Variants in SDR16C5 observed in about 807,000 individuals in gnomAD.
SDR16C5 encodes the protein epidermal retinol dehydrogenase 2.
In SDR16C5, 20 loss-of-function variants were observed where a neutral mutation model predicts 27.7. The ratio of observed to expected loss-of-function variants is 0.72; its 90% CI spans 0.51 to 1.05. The LOEUF (loss-of-function observed/expected upper bound fraction) is 1.05. Ranked by LOEUF, SDR16C5 falls within the 50% of genes least tolerant of loss-of-function variation. The probability of loss-of-function intolerance (pLI) is 0.00; values close to 1 mark genes in which losing one functional copy is unlikely to be tolerated. For missense variants in SDR16C5, 374 were observed against 366.3 expected (o/e 1.02, Z -0.17); for synonymous variants, 139 against 132.3 (o/e 1.05, Z -0.35).
intron 3 of SDR16C5, among the ~76,000 whole-genome samples, chr8:56,311,619 C>T (rs1639424043): frequency 6.6e-6 from 1 of 151,982 alleles, no homozygotes; most frequent in South Asian, 2.1e-4. Flanking sequence ...CAGGTGGTAA[C>T]CTGGGTTACC....
At chr8:56,316,653 T>G (rs1242585241) in intron 1 of SDR16C5, among the ~76,000 whole-genome samples, 1 of 152,210 alleles carries the variant, frequency 6.6e-6, no homozygotes, top group African/African-American at 2.4e-5. Flanking sequence ...CACACCCAAA[T>G]TTAACACAAA....
At chr8:56,303,981 A>T (rs991076477) in intron 6 of SDR16C5, 11 of 702,878 alleles carry the variant, frequency 1.6e-5, no homozygotes, top group Non-Finnish European at 2.6e-5. Flanking sequence ...CTTAGTGAAT[A>T]GTGGGATCGT....
At chr8:56,309,445 C>A in intron 3 of SDR16C5, 4 of 985,398 alleles carry the variant, frequency 4.1e-6, no homozygotes, top group Non-Finnish European at 4.8e-6. Context: ...CACAGGACAT[C>A]TGGCTGTTGA....
At chr8:56,304,749 T>G (rs756449912) in intron 6 of SDR16C5, among the ~76,000 whole-genome samples, 19 of 151,472 alleles carry the variant, frequency 1.3e-4, no homozygotes, top group Non-Finnish European at 2.5e-4. Flanking sequence ...CAAGATGGAG[T>G]GCAGTGGTCT....
Position 56,301,460 on chromosome 8 carries a change from C to T in SDR16C5, c.*20G>A. ...TATGTAACACTGTGTATCAGATGACCTTAGCCATAGAGTTGGTCTTTAGAG... is the reference window on the plus strand; with the variant it reads ...TATGTAACACTGTGTATCAGATGACTTTAGCCATAGAGTTGGTCTTTAGAG... On this transcript the variant is annotated 3_prime_UTR_variant, in exon 7 of 7. Coordinates refer to ENST00000303749, the MANE Select transcript of SDR16C5 (RefSeq NM_138969.4). 6.4e-7 allele frequency: 1 copy of T among 1,561,668 alleles called. No individual in the cohort carries two copies. Among genetic ancestry groups the T allele is most frequent in the Non-Finnish European group, 8.8e-7 (1 of 1,132,298 alleles).
chr8:56,304,806 C>T (rs1290446392), intron 6 of SDR16C5, among the ~76,000 whole-genome samples: 1 of 152,098 alleles, frequency 6.6e-6, no homozygotes, highest in Admixed American at 6.6e-5. Context: ...AAGCAATCCT[C>T]CTGCCTCAGC....
chr8:56,301,519 A>C lies in SDR16C5; in HGVS notation c.891T>G (p.His297Gln). 6.2e-7 allele frequency: 1 copy of C among 1,614,188 alleles called. No individual in the cohort carries two copies. Among genetic ancestry groups the C allele is most frequent in the Non-Finnish European group, 8.5e-7 (1 of 1,179,988 alleles). ...TTTGGTCAACAAAGCCATCCATTGC[A>C]TGAAGGATGCCCAAATAGTCAGCTA... ...LLIADYLGIL[H>Q]AMDGFVDQKK... is the part of the protein sequence containing the mutation. Residue 297 changes from histidine (H) to glutamine (Q), a missense_variant, in exon 7 of 7, where the codon CAT (histidine) becomes CAG (glutamine). His to Gln is a conservative substitution (Grantham distance 24). Transcript: ENST00000303749.
chr8:56,316,720 G>A (rs1397234942), intron 1 of SDR16C5, among the ~76,000 whole-genome samples: 1 of 152,144 alleles, frequency 6.6e-6, no homozygotes, highest in Non-Finnish European at 1.5e-5. Flanking sequence ...AATGAATCCT[G>A]TTGGCTGATT....
Position 56,315,818 on chromosome 8 carries a change from A to G in SDR16C5, c.333+197T>C, listed in dbSNP as rs1253464089. On this transcript the variant is annotated intron_variant, in intron 2 of 6. Coordinates refer to ENST00000303749, the MANE Select transcript of SDR16C5 (RefSeq NM_138969.4). ...TAGGGATAATAATGGGTTTTACTTT[A>G]TAAGGTTATAATACATACATGGTAG... Among the ~76,000 whole-genome samples, 4 of 152,166 alleles carry G rather than the reference A, an allele frequency of 2.6e-5. No homozygotes were observed. The East Asian group carries it at 5.8e-4, about 22-fold the overall frequency.
rs1266554541 is a variant in SDR16C5, at chr8:56,300,688, G to A, written c.*792C>T. The A allele has an allele frequency of 6.6e-6, 1 of 152,192 alleles. No individual in the cohort carries two copies. Among genetic ancestry groups the A allele is most frequent in the African/African-American group, 2.4e-5 (1 of 41,452 alleles). The allele number at this position is 152,192 out of a possible 1,614,324, so 9.4% of individuals were successfully genotyped here. ...GTTGAACACTTAACTTTAATTGCAC[G>A]AATATATTTTTTGGATCAATAGATA... On this transcript the variant is annotated 3_prime_UTR_variant, in exon 7 of 7. Transcript: ENST00000303749.
intron 5 of SDR16C5, among the ~76,000 whole-genome samples, 190 bp downstream of exon 5, chr8:56,306,486 T>A (rs1466386303): frequency 6.6e-6 from 1 of 152,152 alleles, no homozygotes; most frequent in East Asian, 1.9e-4. Flanking sequence ...ACTGCCTTGA[T>A]AAACCATTCC....
rs200222931 is a variant in SDR16C5, at chr8:56,303,183, G to A, written c.837-1610C>T. 7.9e-5 allele frequency among the ~76,000 whole-genome samples: 12 copies of A among 151,826 alleles called. No individual in the cohort carries two copies. In the East Asian group the frequency reaches 2.3e-3, roughly 29 times the overall value. On this transcript the variant is annotated intron_variant, in intron 6 of 6. Transcript: ENST00000303749. ...ACAAAAATTAGCCAGGCATGGTGAT[G>A]GGCACCTGTAATCCCAGCTACTCGA...
chr8:56,304,837 T>C (rs1814842814), intron 6 of SDR16C5, among the ~76,000 whole-genome samples: 1 of 152,002 alleles, frequency 6.6e-6, no homozygotes, highest in African/African-American at 2.4e-5. Flanking sequence ...GCTGGGACTA[T>C]AGGTGTATAC....
chr8:56,301,433 A>C lies in SDR16C5; in HGVS notation c.*47T>G, dbSNP rs1382659631. On this transcript the variant is annotated 3_prime_UTR_variant, in exon 7 of 7. Coordinates refer to ENST00000303749, the MANE Select transcript of SDR16C5 (RefSeq NM_138969.4). The stretch of plus-strand genomic sequence containing the variant: ...AATACTTTTCTTCATTGAAGTACGC[A>C]TTATGTAACACTGTGTATCAGATGA... 3 of 1,309,458 alleles carry C rather than the reference A, an allele frequency of 2.3e-6. No individual in the cohort carries two copies. Among genetic ancestry groups the C allele is most frequent in the Non-Finnish European group, 3.3e-6 (3 of 904,074 alleles). The allele number at this position is 1,309,458 out of a possible 1,614,324, so 81.1% of individuals were successfully genotyped here.
intron 3 of SDR16C5, among the ~76,000 whole-genome samples, chr8:56,310,405 A>G (rs944163757): frequency 6.6e-6 from 1 of 151,900 alleles, no homozygotes. Context: ...CACCTGGGGA[A>G]AAACAGAGAG....
At chr8:56,304,766 G>A (rs1283338887) in intron 6 of SDR16C5, among the ~76,000 whole-genome samples, 1 of 151,654 alleles carries the variant, frequency 6.6e-6, no homozygotes, top group Admixed American at 6.6e-5. Flanking sequence ...GTCTGATCAT[G>A]GCTCACTGCA....
Position 56,305,868 on chromosome 8 carries a change from CCTTT to C in SDR16C5, c.711-150_711-147del, listed in dbSNP as rs1563438896. ...AATTTCATTTATTTTTATATTTACT[CCTTT>C]ATTATCAATGTGTCAATGCAGTAAG... On this transcript the variant is annotated intron_variant, in intron 5 of 6. Coordinates refer to ENST00000303749, the MANE Select transcript of SDR16C5 (RefSeq NM_138969.4). 4.3e-5 allele frequency: 34 copies of C among 795,366 alleles called. No individual in the cohort carries two copies. The South Asian group carries it at 6.2e-4, about 15-fold the overall frequency. 49.3% of individuals were successfully genotyped at this position (795,366 alleles called of 1,614,324 possible).
At chr8:56,310,563 C>A (rs1815021034) in intron 3 of SDR16C5, among the ~76,000 whole-genome samples, 1 of 151,792 alleles carries the variant, frequency 6.6e-6, no homozygotes, top group South Asian at 2.1e-4. Flanking sequence ...ACTAAAAGTA[C>A]AAAAATTAGC....
chr8:56,316,522 G>A (rs1422034859), intron 1 of SDR16C5, among the ~76,000 whole-genome samples, 161 bp from the exon 2 acceptor site: 4 of 152,208 alleles, frequency 2.6e-5, no homozygotes, highest in African/African-American at 9.6e-5. Context: ...GTGGGAGGAG[G>A]AAGCCACAGG....
Sources: gnomAD v4.1 joint callset for allele counts (sites outside exome capture counted in the v4.1 genomes callset) on GRCh38, gnomAD v4.1.1 for gene constraint, MANE v1.5 for transcripts, NCBI Gene and HGNC (gene_info 2026-07-23, HGNC 2026-07-21) for gene names.